LRBA: variants seen among roughly 807,000 people sequenced by gnomAD.
The protein encoded by LRBA is lipopolysaccharide-responsive and beige-like anchor protein.
In LRBA, 176 loss-of-function variants were observed where a neutral mutation model predicts 330.0. The observed-to-expected ratio is 0.53, with a 90% CI of 0.47 to 0.60. LRBA has a LOEUF of 0.60. Among genes scored for constraint, LRBA ranks in the 20% least tolerant of loss-of-function variants. LRBA has a pLI of 0.00. For missense variants in LRBA, 3,259 were observed against 3,444.8 expected, an observed-to-expected ratio of 0.95 and a Z score of 1.35; for synonymous variants, 1,230 against 1,193.0, an observed-to-expected ratio of 1.03 and a Z score of -0.64.
chr4:150,305,973 A>G (rs1308009970), intron 52 of LRBA, among the ~76,000 whole-genome samples: 2 of 151,754 alleles, frequency 1.3e-5, no homozygotes, highest in East Asian at 1.9e-4. Context: ...CTTTAATACC[A>G]GTCCACCTCT....
intron 47 of LRBA, among the ~76,000 whole-genome samples, chr4:150,375,290 A>G (rs1741093037): frequency 6.6e-6 from 1 of 152,144 alleles, no homozygotes; most frequent in Non-Finnish European, 1.5e-5. Context: ...ACAAGGCATA[A>G]GGGGGACAGA....
intron 47 of LRBA, among the ~76,000 whole-genome samples, chr4:150,380,640 T>G (rs895192193): frequency 6.6e-6 from 1 of 152,248 alleles, no homozygotes; most frequent in African/African-American, 2.4e-5. Context: ...AAAGAAGATG[T>G]CTACTTATTA....
chr4:150,685,315 G>GT (rs1783442123), intron 36 of LRBA, among the ~76,000 whole-genome samples: 2 of 124,762 alleles, frequency 1.6e-5, no homozygotes, highest in African/African-American at 6.2e-5. Context: ...CAAAAAAATT[G>GT]GTTTTTTTTG....
chr4:150,662,557 G>GTA (rs1250845266), intron 37 of LRBA, among the ~76,000 whole-genome samples: 1 of 152,228 alleles, frequency 6.6e-6, no homozygotes, highest in Non-Finnish European at 1.5e-5. Flanking sequence ...AACTACTGCT[G>GTA]TATGGTATAG....
chr4:150,825,318 C>T (rs1260310721), intron 30 of LRBA, among the ~76,000 whole-genome samples: 2 of 152,152 alleles, frequency 1.3e-5, no homozygotes, highest in African/African-American at 2.4e-5. Flanking sequence ...GTTAGCATCA[C>T]TTAAAATGCT....
At chr4:150,598,279 C>T (rs1180632714) in intron 38 of LRBA, among the ~76,000 whole-genome samples, 1 of 151,922 alleles carries the variant, frequency 6.6e-6, no homozygotes, top group Non-Finnish European at 1.5e-5. Flanking sequence ...TCTTAATTGA[C>T]TTTCAAAAAT....
chr4:150,290,016 C>A (rs1580912185), intron 53 of LRBA, among the ~76,000 whole-genome samples: 1 of 152,126 alleles, frequency 6.6e-6, no homozygotes, highest in Non-Finnish European at 1.5e-5. Context: ...ATACATCATC[C>A]TGGATCACAG....
At chr4:150,570,310 T>A (rs1192036178) in intron 40 of LRBA, among the ~76,000 whole-genome samples, 1 of 152,118 alleles carries the variant, frequency 6.6e-6, no homozygotes, top group Non-Finnish European at 1.5e-5. Context: ...TTTTCGTGTG[T>A]AAAGTGTCCC....
In LRBA at chr4:150,916,459, A is replaced by G. The variant is rs2149489425; in HGVS notation, c.836T>C (p.Ile279Thr). 1 of 1,613,754 alleles carries G rather than the reference A, an allele frequency of 6.2e-7. No homozygotes were observed. Among genetic ancestry groups the G allele is most frequent in the East Asian group, 2.2e-5 (1 of 44,774 alleles). ...TTGAAAGCCTTTTCCTTTTGACTTT[A>G]TTGATGTTACAATCAAACAGCCTCC... Reference protein sequence around the residue: ...FVGGCLIVTSIKSKGKGFQHC... With the variant: ...FVGGCLIVTSTKSKGKGFQHC... Residue 279 changes from isoleucine to threonine, a missense_variant, in exon 7 of 57, where the codon ATA becomes ACA. Coordinates refer to ENST00000651943, the MANE Select transcript of LRBA (RefSeq NM_001364905.1).
At chr4:150,649,545 T>C (rs540555824) in intron 37 of LRBA, among the ~76,000 whole-genome samples, 2 of 152,304 alleles carry the variant, frequency 1.3e-5, no homozygotes, top group South Asian at 4.1e-4. Flanking sequence ...TTCCCTGACC[T>C]CATAGCTACA....
intron 47 of LRBA, among the ~76,000 whole-genome samples, chr4:150,396,881 T>C (rs1320851169): frequency 2.6e-5 from 4 of 152,202 alleles, no homozygotes; most frequent in African/African-American, 7.2e-5. Flanking sequence ...ATAGATGTTA[T>C]TGGCTCTGAT....
chr4:150,378,143 C>T (rs1274591203), intron 47 of LRBA, among the ~76,000 whole-genome samples: 1 of 152,180 alleles, frequency 6.6e-6, no homozygotes. Flanking sequence ...AGATATTTTA[C>T]TAATTAGCAT....
chr4:150,400,168 C>T (rs1745278400), intron 47 of LRBA, among the ~76,000 whole-genome samples: 1 of 152,174 alleles, frequency 6.6e-6, no homozygotes, highest in African/African-American at 2.4e-5. Context: ...TTGTGAAGAT[C>T]ATTCCAAGTC....
chr4:150,288,116 T>C (rs1399101315), intron 53 of LRBA, among the ~76,000 whole-genome samples: 2 of 151,638 alleles, frequency 1.3e-5, no homozygotes, highest in African/African-American at 4.8e-5. Context: ...CTTGGCCTCC[T>C]GAGTAGCTGG....
In LRBA at chr4:150,697,331, A is replaced by ACAAAC. The variant is rs1294648171; in HGVS notation, c.5755-13615_5755-13614insGTTTG. Among the ~76,000 whole-genome samples, 108 of 141,530 alleles carry ACAAAC rather than the reference A, an allele frequency of 7.6e-4. 4 individuals carry two copies. The highest frequency in any genetic ancestry group is 2.9e-3 in the African/African-American group (103 of 35,762). 92.8% of individuals were successfully genotyped at this position (141,530 alleles called of 152,430 possible). On this transcript the variant is annotated intron_variant, in intron 36 of 56. Coordinates refer to ENST00000651943, the MANE Select transcript of LRBA (RefSeq NM_001364905.1). ...AGAGTGAGACTTTGTCTCAGAAAAA[A>ACAAAC]AAAAAAAAAAAAAAAAAAAACAGGG... is the stretch of plus-strand genomic sequence containing the variant.
At chr4:150,329,616 C>T (rs1044063063) in intron 48 of LRBA, among the ~76,000 whole-genome samples, 2 of 152,154 alleles carry the variant, frequency 1.3e-5, no homozygotes, top group African/African-American at 4.8e-5. Flanking sequence ...ATTTTTTCTA[C>T]TGGGCCTCAA....
chr4:150,970,098 G>C (rs1739358200), intron 2 of LRBA, among the ~76,000 whole-genome samples: 2 of 152,072 alleles, frequency 1.3e-5, no homozygotes, highest in African/African-American at 4.8e-5. Flanking sequence ...AAAAAGATTA[G>C]GACACTCTGA....
intron 17 of LRBA, among the ~76,000 whole-genome samples, chr4:150,875,185 A>G (rs540130452): frequency 1.3e-5 from 2 of 152,200 alleles, no homozygotes; most frequent in South Asian, 4.1e-4. Context: ...ACCCAAGCCT[A>G]TCTCCAGGGA....
chr4:150,579,434 G>T, intron 40 of LRBA: 1 of 423,848 alleles, frequency 2.4e-6, no homozygotes, highest in Admixed American at 2.7e-5. Flanking sequence ...TAAGTTTATT[G>T]CTCGAATGAT....
Sources: allele counts gnomAD v4.1 joint callset (sites outside exome capture counted in the v4.1 genomes callset), GRCh38; gene constraint gnomAD v4.1.1; transcripts MANE v1.5; gene names NCBI Gene and HGNC (gene_info 2026-07-23, HGNC 2026-07-21).